The following ALCAM variants were observed in gnomAD, a reference collection of about 807,000 sequenced individuals.
ALCAM encodes the protein CD166 antigen.
Under a neutral mutation model 70.9 loss-of-function variants are expected in ALCAM, and 30 were observed. The observed-to-expected ratio is 0.42, with a 90% CI of 0.32 to 0.57. The LOEUF is 0.57. ALCAM is among the 20% of genes least tolerant of loss of function. The pLI is 0.11. For missense variants in ALCAM, 591 were observed against 695.1 expected, an observed-to-expected ratio of 0.85 and a Z score of 1.68; for synonymous variants, 249 against 242.5, an observed-to-expected ratio of 1.03 and a Z score of -0.25.
In ALCAM at chr3:105,533,695, G is replaced by A. The variant is rs1576226619; in HGVS notation, c.547+5G>A. On this transcript the variant is annotated splice_donor_5th_base_variant and intron_variant, in intron 5 of 15. Coordinates refer to ENST00000306107, the MANE Select transcript of ALCAM (RefSeq NM_001627.4). Reference sequence around the variant, plus strand: ...TGCTACATCCCCTTGAAGGAGGTGGGTGTGAGGGCAGGAGGACAGGGAGTA... The same window carrying A: ...TGCTACATCCCCTTGAAGGAGGTGGATGTGAGGGCAGGAGGACAGGGAGTA... The A allele has an allele frequency of 1.9e-6, 3 of 1,610,084 alleles. No individual in the cohort carries two copies. The highest frequency in any genetic ancestry group is 8.5e-7 in the Non-Finnish European group (1 of 1,177,118).
chr3:105,387,132 C>T (rs1935680049), intron 1 of ALCAM, among the ~76,000 whole-genome samples: 1 of 151,476 alleles, frequency 6.6e-6, no homozygotes, highest in East Asian at 1.9e-4. Flanking sequence ...ATATGTTCCA[C>T]AGCAGTCTGT....
chr3:105,567,395 C>T (rs1474557485), intron 14 of ALCAM, among the ~76,000 whole-genome samples: 1 of 151,890 alleles, frequency 6.6e-6, no homozygotes, highest in Non-Finnish European at 1.5e-5. Context: ...TGTTAGCCTG[C>T]TCACTATCAT....
At chr3:105,563,456 C>T (rs1423924640) in intron 14 of ALCAM, among the ~76,000 whole-genome samples, 1 of 151,012 alleles carries the variant, frequency 6.6e-6, no homozygotes, top group African/African-American at 2.4e-5. Flanking sequence ...TTTCTCCTTT[C>T]TCTGATTTCT....
At chr3:105,497,273 A>T (rs1174228120) in intron 1 of ALCAM, among the ~76,000 whole-genome samples, 1 of 152,242 alleles carries the variant, frequency 6.6e-6, no homozygotes, top group African/African-American at 2.4e-5. Flanking sequence ...GAAATAGAGA[A>T]GAAAGAGAAG....
At chr3:105,540,201 A>T in intron 7 of ALCAM, 99 bp downstream of exon 7, 2 of 1,239,002 alleles carry the variant, frequency 1.6e-6, no homozygotes, top group Non-Finnish European at 2.2e-6. Flanking sequence ...TTATTGCTGG[A>T]GACAAGAGAC....
chr3:105,465,926 A>C (rs1198110122), intron 1 of ALCAM, among the ~76,000 whole-genome samples: 1 of 151,408 alleles, frequency 6.6e-6, no homozygotes, highest in Non-Finnish European at 1.5e-5. Context: ...AGAAAAAGAC[A>C]GTTGTTGCCC....
chr3:105,536,533 GT>G (rs1362737707), intron 6 of ALCAM, among the ~76,000 whole-genome samples: 1 of 152,202 alleles, frequency 6.6e-6, no homozygotes, highest in East Asian at 1.9e-4. Flanking sequence ...ATATCTGTGA[GT>G]ATGAGGCATG....
chr3:105,506,141 C>G (rs1333012061), intron 1 of ALCAM, among the ~76,000 whole-genome samples: 1 of 152,102 alleles, frequency 6.6e-6, no homozygotes. Flanking sequence ...TACTCTTTAC[C>G]TAAGAAGTAT....
In ALCAM at chr3:105,465,791, T is replaced by G. The variant is rs996637664; in HGVS notation, c.74-54276T>G. Among the ~76,000 whole-genome samples the G allele has an allele frequency of 2.6e-5, 4 of 151,526 alleles. No individual in the cohort carries two copies. The South Asian group carries it at 6.2e-4, about 24-fold the overall frequency. ...ATCTTCTTTCAAAAAATTTGAAATT[T>G]TTACAGTTTTTCATCCTTCACAAAA... is the stretch of plus-strand genomic sequence containing the variant. On this transcript the variant is annotated intron_variant, in intron 1 of 15. Coordinates refer to ENST00000306107, the MANE Select transcript of ALCAM (RefSeq NM_001627.4).
intron 8 of ALCAM, among the ~76,000 whole-genome samples, chr3:105,543,919 G>A (rs368089957): frequency 6.5e-4 from 98 of 151,726 alleles, no homozygotes; most frequent in African/African-American, 2.2e-3. Flanking sequence ...TCATTCAATA[G>A]TAATGTTTGA....
At chr3:105,468,710 A>G (rs1322104295) in intron 1 of ALCAM, among the ~76,000 whole-genome samples, 4 of 151,286 alleles carry the variant, frequency 2.6e-5, no homozygotes, top group Admixed American at 2.0e-4. Context: ...GTACATAAAG[A>G]TAATGTCCAG....
intron 2 of ALCAM, among the ~76,000 whole-genome samples, chr3:105,521,777 GT>G (rs1168962076): frequency 6.6e-6 from 1 of 152,186 alleles, no homozygotes; most frequent in Non-Finnish European, 1.5e-5. Context: ...TACTATGCTC[GT>G]GTGAGTGGGA....
chr3:105,514,106 C>T (rs746366808), intron 1 of ALCAM, among the ~76,000 whole-genome samples: 1 of 151,896 alleles, frequency 6.6e-6, no homozygotes, highest in Non-Finnish European at 1.5e-5. Flanking sequence ...GGATTCCTTT[C>T]TATACAGTCC....
chr3:105,511,091 C>G (rs2152619827), intron 1 of ALCAM, among the ~76,000 whole-genome samples: 1 of 152,120 alleles, frequency 6.6e-6, no homozygotes. Context: ...TCCTCCCACT[C>G]TTCAATTAAG....
At chr3:105,395,837 C>G (rs1454497137) in intron 1 of ALCAM, among the ~76,000 whole-genome samples, 4 of 152,028 alleles carry the variant, frequency 2.6e-5, no homozygotes, top group African/African-American at 7.2e-5. Context: ...TTTGCCTTCT[C>G]TCTTTCTGAA....
intron 1 of ALCAM, among the ~76,000 whole-genome samples, chr3:105,453,486 T>C (rs1403199886): frequency 6.6e-6 from 1 of 152,258 alleles, no homozygotes; most frequent in Non-Finnish European, 1.5e-5. Context: ...CCTTGTAGTA[T>C]AGTTTGAAGT....
chr3:105,510,308 A>T (rs893633100), intron 1 of ALCAM, among the ~76,000 whole-genome samples: 1 of 152,126 alleles, frequency 6.6e-6, no homozygotes, highest in Non-Finnish European at 1.5e-5. Context: ...CAGCCCTCAT[A>T]GGAGTCTCTT....
intron 1 of ALCAM, among the ~76,000 whole-genome samples, chr3:105,460,602 A>C (rs1937589257): frequency 6.6e-6 from 1 of 151,978 alleles, no homozygotes; most frequent in African/African-American, 2.4e-5. Context: ...ACTCACAGAG[A>C]GAAGGGTACA....
At chr3:105,458,122 G>A (rs930608736) in intron 1 of ALCAM, among the ~76,000 whole-genome samples, 2 of 150,872 alleles carry the variant, frequency 1.3e-5, no homozygotes, top group Non-Finnish European at 2.9e-5. Flanking sequence ...CTAACACAGT[G>A]CAACTTAACA....
Sources: allele counts gnomAD v4.1 joint callset (sites outside exome capture counted in the v4.1 genomes callset), GRCh38; gene constraint gnomAD v4.1.1; transcripts MANE v1.5; gene names NCBI Gene and HGNC (gene_info 2026-07-23, HGNC 2026-07-21).